Variants in CADM2 observed in about 807,000 individuals in gnomAD.
CADM2 encodes the protein immunoglobulin superfamily member 4D.
CADM2 carries 12 observed loss-of-function variants against 49.8 expected under a neutral mutation model. The ratio of observed to expected loss-of-function variants is 0.24; its 90% CI spans 0.15 to 0.39. CADM2 has a LOEUF of 0.39. Among genes scored for constraint, CADM2 ranks in the 10% least tolerant of loss-of-function variants. The pLI, the probability that CADM2 is intolerant of heterozygous loss-of-function variation, is 1.00. For missense variants in CADM2, 378 were observed against 492.3 expected, an observed-to-expected ratio of 0.77 and a Z score of 2.20; for synonymous variants, 214 against 175.4, an observed-to-expected ratio of 1.22 and a Z score of -1.74.
chr3:85,084,088 G>A (rs975026567), intron 1 of CADM2, among the ~76,000 whole-genome samples: 1 of 152,086 alleles, frequency 6.6e-6, no homozygotes, highest in Non-Finnish European at 1.5e-5. Context: ...GATGTGAAAG[G>A]CATCGCTCCT....
At chr3:85,448,714 C>T (rs888775702) in intron 1 of CADM2, among the ~76,000 whole-genome samples, 1 of 151,984 alleles carries the variant, frequency 6.6e-6, no homozygotes, top group Non-Finnish European at 1.5e-5. Context: ...CACCAGTCGT[C>T]TCAGTACTAC....
At chr3:85,514,286 G>A (rs2106856495) in intron 1 of CADM2, among the ~76,000 whole-genome samples, 1 of 152,098 alleles carries the variant, frequency 6.6e-6, no homozygotes, top group South Asian at 2.1e-4. Context: ...CTGTTTATTT[G>A]ATTCTCTATT....
chr3:85,783,747 T>G (rs1440260286), intron 2 of CADM2, among the ~76,000 whole-genome samples: 1 of 152,236 alleles, frequency 6.6e-6, no homozygotes, highest in Non-Finnish European at 1.5e-5. Flanking sequence ...CAGAGTTTAC[T>G]GGATTATCTT....
intron 1 of CADM2, among the ~76,000 whole-genome samples, chr3:85,670,004 A>G (rs2107631205): frequency 6.6e-6 from 1 of 152,228 alleles, no homozygotes; most frequent in East Asian, 1.9e-4. Flanking sequence ...GATCTCAATG[A>G]ACTCAATTTC....
rs539023449 is a variant in CADM2 at position 85,906,868 on chromosome 3, GACACAC to G, written c.530-5501_530-5496del. ...AATATCTTTGAGCATTTAACCTTAAGACACACACAAAAAAGTATTGACATTTCCTCT... is the reference window on the plus strand; with the variant it reads ...AATATCTTTGAGCATTTAACCTTAAGACAAAAAAGTATTGACATTTCCTCT... On this transcript the variant is annotated intron_variant, in intron 5 of 9. Transcript: ENST00000383699. Among the ~76,000 whole-genome samples the G allele has an allele frequency of 2.1e-3, 321 of 152,272 alleles. 3 individuals are homozygous for G. The highest frequency in any genetic ancestry group is 7.4e-3 in the African/African-American group (309 of 41,566).
intron 8 of CADM2, among the ~76,000 whole-genome samples, chr3:86,053,110 T>C (rs1276888331): frequency 1.3e-5 from 2 of 152,180 alleles, no homozygotes; most frequent in African/African-American, 2.4e-5. Context: ...TCAATAAATT[T>C]GATAAAACCT....
At chr3:85,227,219 T>C (rs987958013) in intron 1 of CADM2, among the ~76,000 whole-genome samples, 1 of 152,140 alleles carries the variant, frequency 6.6e-6, no homozygotes, top group African/African-American at 2.4e-5. Context: ...ATATTGACAG[T>C]GGAGTGTTAA....
At chr3:85,468,169 A>AAAAAAC (rs2038598681) in intron 1 of CADM2, among the ~76,000 whole-genome samples, 2 of 151,252 alleles carry the variant, frequency 1.3e-5, no homozygotes, top group African/African-American at 4.9e-5. Flanking sequence ...AAAAAAAAAA[A>AAAAAAC]AAAAAAAAAA....
At chr3:85,758,974 A>T (rs957808162) in intron 2 of CADM2, among the ~76,000 whole-genome samples, 4 of 152,064 alleles carry the variant, frequency 2.6e-5, no homozygotes, top group Admixed American at 2.0e-4. Flanking sequence ...TTCAAATATG[A>T]TGTACTCATA....
rs2035006225 is a variant in CADM2, at chr3:85,399,854, T to G, written c.62-326668T>G. On this transcript the variant is annotated intron_variant, in intron 1 of 9. Transcript: ENST00000383699. ...ACTTTTCTGAAGCTGCTTATCAGCT[T>G]AAGGAGATTTTGGGCTGAGACGATG... is the stretch of plus-strand genomic sequence containing the variant. Among the ~76,000 whole-genome samples the G allele has an allele frequency of 3.3e-5, 5 of 152,318 alleles. No individual in the cohort carries two copies. The South Asian group carries it at 1.0e-3, about 32-fold the overall frequency.
intron 1 of CADM2, among the ~76,000 whole-genome samples, chr3:85,497,064 G>A (rs1312332377): frequency 1.3e-5 from 2 of 152,088 alleles, no homozygotes; most frequent in South Asian, 2.1e-4. Context: ...GGCCAGGATG[G>A]TCTCGATCTC....
At chr3:85,774,953 TACAC>T (rs374365049) in intron 2 of CADM2, among the ~76,000 whole-genome samples, 2 of 151,642 alleles carry the variant, frequency 1.3e-5, no homozygotes, top group Non-Finnish European at 3.0e-5. Flanking sequence ...ATCTAGAAAA[TACAC>T]ATACATGCAC....
rs531317874 is a variant in CADM2 at position 85,489,724 on chromosome 3, CCTT to C, written c.62-236795_62-236793del. Among the ~76,000 whole-genome samples, 1,161 of 147,958 alleles carry C rather than the reference CCTT, an allele frequency of 7.8e-3. 1 individual carries two copies. The highest frequency in any genetic ancestry group is 0.011 in the Non-Finnish European group (758 of 67,084). ...AAAAAAGAACTTTGAATTAAAGTGTCCTTCTAAAAATTATTTAACGTGTGTGTG... is the reference window on the plus strand; with the variant it reads ...AAAAAAGAACTTTGAATTAAAGTGTCCTAAAAATTATTTAACGTGTGTGTG... On this transcript the variant is annotated intron_variant, in intron 1 of 9. Transcript: ENST00000383699.
intron 1 of CADM2, among the ~76,000 whole-genome samples, chr3:85,409,904 T>C (rs529572651): frequency 6.6e-6 from 1 of 152,120 alleles, no homozygotes; most frequent in Non-Finnish European, 1.5e-5. Flanking sequence ...GGTTTGAAAG[T>C]ACAAAAATCT....
chr3:85,792,615 G>A (rs763839347), intron 2 of CADM2, among the ~76,000 whole-genome samples: 9 of 152,166 alleles, frequency 5.9e-5, no homozygotes, highest in Non-Finnish European at 1.3e-4. Context: ...CTCTTAGAGA[G>A]CAAGCACTCA....
Position 86,073,664 on chromosome 3 carries a change from A to G in CADM2, c.*6881A>G, listed in dbSNP as rs1025177343. 6.6e-6 allele frequency: 1 copy of G among 152,056 alleles called. No individual in the cohort carries two copies. Among genetic ancestry groups the G allele is most frequent in the Non-Finnish European group, 1.5e-5 (1 of 67,928 alleles). 9.4% of individuals were successfully genotyped at this position (152,056 alleles called of 1,614,324 possible). ...TTAGTTATCTGTTGGACATTACTGAATTGTCTATTCATTTAGTACATTTTC... is the reference window on the plus strand; with the variant it reads ...TTAGTTATCTGTTGGACATTACTGAGTTGTCTATTCATTTAGTACATTTTC... On this transcript the variant is annotated 3_prime_UTR_variant, in exon 10 of 10. Coordinates refer to ENST00000383699, the MANE Select transcript of CADM2 (RefSeq NM_001167675.2).
At chr3:85,654,128 A>C (rs2065130985) in intron 1 of CADM2, among the ~76,000 whole-genome samples, 1 of 152,216 alleles carries the variant, frequency 6.6e-6, no homozygotes, top group Non-Finnish European at 1.5e-5. Flanking sequence ...CTGGTTGACT[A>C]GGTAATTATT....
At chr3:85,612,516 C>T (rs145147436) in intron 1 of CADM2, among the ~76,000 whole-genome samples, 54 of 151,738 alleles carry the variant, frequency 3.6e-4, no homozygotes, top group African/African-American at 1.3e-3. Flanking sequence ...AATATTTGCA[C>T]GTTTGGAATC....
intron 8 of CADM2, among the ~76,000 whole-genome samples, chr3:85,989,111 C>T (rs35012249): frequency 0.31 from 46,379 of 152,016 alleles, 8,372 homozygotes; most frequent in East Asian, 0.4. Context: ...AGCCCCATTC[C>T]TCCACTCTGT....
Sources: allele counts gnomAD v4.1 joint callset (sites outside exome capture counted in the v4.1 genomes callset), GRCh38; gene constraint gnomAD v4.1.1; transcripts MANE v1.5; gene names NCBI Gene and HGNC (gene_info 2026-07-23, HGNC 2026-07-21).